The following CNTFR variants were observed in gnomAD, a reference collection of about 807,000 sequenced individuals.
The protein encoded by CNTFR is ciliary neurotrophic factor receptor subunit alpha.
A neutral mutation model predicts 40.4 loss-of-function variants in CNTFR; 12 were observed. The ratio of observed to expected loss-of-function variants is 0.30; its 90% CI spans 0.19 to 0.48. The LOEUF (loss-of-function observed/expected upper bound fraction) is 0.48. CNTFR is among the 20% of genes least tolerant of loss of function. CNTFR has a pLI of 0.99. For synonymous variants in CNTFR, 202 were observed against 209.6 expected, an observed-to-expected ratio of 0.96 and a Z score of 0.31; for missense variants, 414 against 506.8, an observed-to-expected ratio of 0.82 and a Z score of 1.76.
At position 34,568,911 on chromosome 9, in the gene CNTFR, C is replaced by T. The variant is rs150343950; in HGVS notation, c.71G>A (p.Arg24Lys). 1.9e-6 allele frequency: 3 copies of T among 1,595,068 alleles called. No individual in the cohort carries two copies. Among genetic ancestry groups the T allele is most frequent in the Non-Finnish European group, 2.6e-6 (3 of 1,171,192 alleles). ...AAAAAVVYAQRHSPQEAPHVQ... is the reference protein window; with the variant it reads ...AAAAAVVYAQKHSPQEAPHVQ... Reference sequence around the variant, plus strand: ...TGAGCACTCACCCTGTGGACTGTGTCTCTGGGCGTAGACAACTGCGGCGGC... The same window carrying T: ...TGAGCACTCACCCTGTGGACTGTGTTTCTGGGCGTAGACAACTGCGGCGGC... Residue 24 changes from arginine to lysine, a missense_variant, in exon 3 of 10, where the codon AGA (arginine) becomes AAA (lysine). Physicochemically the swap from Arg to Lys is conservative, Grantham distance 26 (BLOSUM62 2). Transcript: ENST00000378980.
rs926921022 is a variant in CNTFR, at chr9:34,573,510, C to G, written c.1-4529G>C. On this transcript the variant is annotated intron_variant, in intron 2 of 9. Coordinates refer to ENST00000378980, the MANE Select transcript of CNTFR (RefSeq NM_147164.3). ...CGAAGCAAGGTTACTACTCCAACTC[C>G]GAGGCAGGGAACTGAAATCCAAAGA... is the stretch of plus-strand genomic sequence containing the variant. Among the ~76,000 whole-genome samples the G allele has an allele frequency of 2.0e-5, 3 of 152,140 alleles. No individual in the cohort carries two copies. The South Asian group carries it at 6.2e-4, about 32-fold the overall frequency.
At chr9:34,570,773 G>A (rs1826574395) in intron 2 of CNTFR, among the ~76,000 whole-genome samples, 1 of 152,216 alleles carries the variant, frequency 6.6e-6, no homozygotes, top group Admixed American at 6.5e-5. Context: ...CAGAGACTCA[G>A]CTCCAGACAG....
rs779252311 is a variant in CNTFR at position 34,578,973 on chromosome 9, A to AG, written c.-1+2121dup. Among the ~76,000 whole-genome samples, 204 of 152,294 alleles carry AG rather than the reference A, an allele frequency of 1.3e-3. 1 individual carries two copies. Among genetic ancestry groups the AG allele is most frequent in the Non-Finnish European group, 1.7e-3 (113 of 68,020 alleles). On this transcript the variant is annotated intron_variant, in intron 2 of 9. Coordinates refer to ENST00000378980, the MANE Select transcript of CNTFR (RefSeq NM_147164.3). The stretch of plus-strand genomic sequence containing the variant: ...GGCCAGACTCCTAGGGTCTCCAGGG[A>AG]GGGACCAGGCTGCCCAGAGGGTGAC...
intron 3 of CNTFR, among the ~76,000 whole-genome samples, chr9:34,565,153 G>C (rs1353182092): frequency 6.6e-6 from 1 of 152,028 alleles, no homozygotes; most frequent in Non-Finnish European, 1.5e-5. Flanking sequence ...AGTTCTCAGA[G>C]AAAACCCAGT....
chr9:34,556,263 A>T lies in CNTFR; in HGVS notation c.760T>A (p.Trp254Arg). ...LRYRPLILDQ[W>R]QHVELSDGTA... ...CCGGGCAGGGCACTCACATGCTGCC[A>T]CTGGTCCAGGATGAGGGGTCGGTAG... is the stretch of plus-strand genomic sequence containing the variant. The change falls in exon 7 of 10, where the codon TGG becomes AGG. Residue 254 changes from tryptophan to arginine, a missense_variant. Trp to Arg is a moderately radical substitution (Grantham distance 101). Transcript: ENST00000378980. 3 of 1,612,336 alleles carry T rather than the reference A, an allele frequency of 1.9e-6. No homozygotes were observed. The highest frequency in any genetic ancestry group is 2.5e-6 in the Non-Finnish European group (3 of 1,179,354).
intron 2 of CNTFR, among the ~76,000 whole-genome samples, chr9:34,572,549 A>G (rs1402461175): frequency 6.6e-6 from 1 of 152,138 alleles, no homozygotes; most frequent in Non-Finnish European, 1.5e-5. Flanking sequence ...AAAGCCCCTG[A>G]GCCCCTTGTC....
rs576429228 is a variant in CNTFR, at chr9:34,587,668, G to T, written c.-112+1887C>A. On this transcript the variant is annotated intron_variant, in intron 1 of 9. Coordinates refer to ENST00000378980, the MANE Select transcript of CNTFR (RefSeq NM_147164.3). ...CCTCAGCGAGTCCTTGAGTTCAAAT[G>T]TGAGCCCCATGTTCCCCATGCGAGT... is the stretch of plus-strand genomic sequence containing the variant. 2.0e-5 allele frequency among the ~76,000 whole-genome samples: 3 copies of T among 152,290 alleles called. No homozygotes were observed. In the East Asian group the frequency reaches 5.8e-4, roughly 29 times the overall value.
At chr9:34,575,158 A>G (rs1826890429) in intron 2 of CNTFR, among the ~76,000 whole-genome samples, 1 of 152,198 alleles carries the variant, frequency 6.6e-6, no homozygotes, top group South Asian at 2.1e-4. Context: ...CCCTTTGGAC[A>G]CATAGGCTCT....
At chr9:34,572,902 T>C (rs1826747485) in intron 2 of CNTFR, among the ~76,000 whole-genome samples, 2 of 152,114 alleles carry the variant, frequency 1.3e-5, no homozygotes, top group South Asian at 2.1e-4. Context: ...TGAGACTCAG[T>C]CACATCGAGT....
intron 4 of CNTFR, among the ~76,000 whole-genome samples, chr9:34,559,586 C>T (rs1311999617): frequency 6.6e-6 from 1 of 152,208 alleles, no homozygotes; most frequent in Non-Finnish European, 1.5e-5. Flanking sequence ...TGTCTCTTCC[C>T]TGTCTGCCCA....
chr9:34,576,349 G>A (rs911870979), intron 2 of CNTFR, among the ~76,000 whole-genome samples: 4 of 152,086 alleles, frequency 2.6e-5, no homozygotes, highest in Admixed American at 2.6e-4. Context: ...CACACACTCC[G>A]AACAGTCAAC....
chr9:34,573,055 G>C (rs537598503), intron 2 of CNTFR, among the ~76,000 whole-genome samples: 1 of 152,342 alleles, frequency 6.6e-6, no homozygotes, highest in South Asian at 2.1e-4. Flanking sequence ...CACAGCGACA[G>C]GCTCCAGGTC....
At chr9:34,584,519 G>A (rs1827461074) in intron 1 of CNTFR, among the ~76,000 whole-genome samples, 2 of 152,160 alleles carry the variant, frequency 1.3e-5, no homozygotes, top group Non-Finnish European at 1.5e-5. Context: ...TCCGAACCCC[G>A]TGTTCTCAGA....
intron 1 of CNTFR, among the ~76,000 whole-genome samples, chr9:34,588,412 G>A (rs947812612): frequency 1.3e-5 from 2 of 152,110 alleles, no homozygotes; most frequent in Admixed American, 1.3e-4. Context: ...CAGATGCACA[G>A]ACACACCCAG....
chr9:34,552,884 G>T lies in CNTFR; in HGVS notation c.769-30C>A. ...AGCCAGACCATGGGGTGGGGGTAAG[G>T]ACACACCTGGGGGCCAGGAGGGTGA... is the stretch of plus-strand genomic sequence containing the variant. On this transcript the variant is annotated intron_variant, in intron 7 of 9. Transcript: ENST00000378980. The surrounding 1 kb of genome is among the most constrained non-coding windows in gnomAD (Gnocchi z 5.1). 1 of 1,601,882 alleles carries T rather than the reference G, an allele frequency of 6.2e-7. No individual in the cohort carries two copies. The highest frequency in any genetic ancestry group is 8.5e-7 in the Non-Finnish European group (1 of 1,178,116).
intron 2 of CNTFR, 128 bp from the exon 3 acceptor site, chr9:34,569,109 C>T (rs1365026655): frequency 3.0e-5 from 25 of 821,164 alleles, no homozygotes; most frequent in Non-Finnish European, 4.0e-5. Flanking sequence ...GGCCCTCACC[C>T]GCTCTGCTTT....
At chr9:34,555,334 G>A (rs181426248) in intron 7 of CNTFR, among the ~76,000 whole-genome samples, 2 of 152,220 alleles carry the variant, frequency 1.3e-5, no homozygotes, top group Admixed American at 1.3e-4. Flanking sequence ...ATGAGGAGCT[G>A]GAGTTAGAGC....
intron 2 of CNTFR, among the ~76,000 whole-genome samples, chr9:34,573,134 C>T (rs1251080374): frequency 3.1e-5 from 1 of 32,464 alleles, no homozygotes; most frequent in African/African-American, 1.0e-4. Flanking sequence ...CTTGCCAGTC[C>T]CAGCAATGTT....
At chr9:34,575,659 TCA>T (rs1252572864) in intron 2 of CNTFR, among the ~76,000 whole-genome samples, 1 of 149,864 alleles carries the variant, frequency 6.7e-6, no homozygotes, top group Admixed American at 6.6e-5. Flanking sequence ...GCAAGCAAGC[TCA>T]CACACACACC....
Sources: allele counts gnomAD v4.1 joint callset (sites outside exome capture counted in the v4.1 genomes callset), GRCh38; gene constraint gnomAD v4.1.1; non-coding constraint Gnocchi (gnomAD v3.1); transcripts MANE v1.5; gene names NCBI Gene and HGNC (gene_info 2026-07-23, HGNC 2026-07-21).